Variants in CACNA1B observed in about 807,000 individuals in gnomAD.
The protein encoded by CACNA1B is voltage-dependent N-type calcium channel subunit alpha-1B.
Under a neutral mutation model 247.2 loss-of-function variants are expected in CACNA1B, and 70 were observed. That is an observed-to-expected ratio of 0.28 (90% CI 0.23 to 0.35). CACNA1B has a LOEUF of 0.35. Ranked by LOEUF, CACNA1B falls within the 10% of genes least tolerant of loss-of-function variation. The pLI is 1.00. For missense variants in CACNA1B, 2,367 were observed against 3,197.4 expected (o/e 0.74, Z 6.26); for synonymous variants, 1,231 against 1,294.4 (o/e 0.95, Z 1.05).
chr9:138,048,790 T>G (rs1202815864), intron 23 of CACNA1B, among the ~76,000 whole-genome samples: 1 of 152,162 alleles, frequency 6.6e-6, no homozygotes, highest in Non-Finnish European at 1.5e-5. Flanking sequence ...TGATCTCAGC[T>G]CACTGCAGTC....
In CACNA1B at chr9:138,053,864, G is replaced by T; in HGVS notation, c.3826G>T (p.Val1276Leu). ...CCTGCAGGCTGTGTTTGACTGTGTGGTGAACTCCCTGAAGAATGTCCTCAA... is the reference window on the plus strand; with the variant it reads ...CCTGCAGGCTGTGTTTGACTGTGTGTTGAACTCCCTGAAGAATGTCCTCAA... ...PKLKAVFDCV[V>L]NSLKNVLNIL... Residue 1276 changes from valine (V) to leucine (L), a missense_variant, in exon 26 of 47, where the codon GTG (valine) becomes TTG (leucine). Val to Leu is a conservative substitution (Grantham distance 32). Around this residue, in one of 12 missense-constraint regions of CACNA1B, gnomAD observed 436 missense variants for 679.5 expected, o/e 0.64. Coordinates refer to ENST00000371372, the MANE Select transcript of CACNA1B (RefSeq NM_000718.4). The T allele has an allele frequency of 6.2e-7, 1 of 1,613,434 alleles. No individual in the cohort carries two copies. The highest frequency in any genetic ancestry group is 2.2e-5 in the East Asian group (1 of 44,858).
In CACNA1B at chr9:137,891,344, C is replaced by T. The variant is rs991151578; in HGVS notation, c.530+8461C>T. 1 of 152,464 alleles carries T rather than the reference C, an allele frequency of 6.6e-6. No homozygotes were observed. Among genetic ancestry groups the T allele is most frequent in the Admixed American group, 6.5e-5 (1 of 15,296 alleles). 9.4% of individuals were successfully genotyped at this position (152,464 alleles called of 1,614,324 possible). On this transcript the variant is annotated intron_variant, in intron 3 of 46. Transcript: ENST00000371372. This position sits in a 1 kb window ranked among gnomAD's most constrained non-coding sequence, Gnocchi z 4.3. The stretch of plus-strand genomic sequence containing the variant: ...CCGGGCTGGCTGTAGAAGAGCCGCC[C>T]CTCCTGGGGGCTGGCCTGTTCGAAG...
chr9:137,927,547 T>C (rs1957565396), intron 6 of CACNA1B, among the ~76,000 whole-genome samples: 2 of 152,220 alleles, frequency 1.3e-5, no homozygotes, highest in African/African-American at 2.4e-5. Flanking sequence ...TTTGGCCATA[T>C]ATGCAAGAGT....
chr9:138,121,307 A>G lies in CACNA1B; in HGVS notation c.6490-162A>G, dbSNP rs1261478776. On this transcript the variant is annotated intron_variant, in intron 46 of 46. Transcript: ENST00000371372. This position sits in a 1 kb window ranked among gnomAD's most constrained non-coding sequence, Gnocchi z 6.8. ...CTGACCATCGCCCTCCCCCGCACAC[A>G]GGTGCCTGTTGCCTCCCTGGTCACC... 6.6e-6 allele frequency among the ~76,000 whole-genome samples: 1 copy of G among 151,642 alleles called. No homozygotes were observed. The highest frequency in any genetic ancestry group is 1.5e-5 in the Non-Finnish European group (1 of 67,942).
intron 22 of CACNA1B, 43 bp from the exon 23 acceptor site, chr9:138,047,356 A>T (rs1451801236): frequency 6.7e-7 from 1 of 1,500,646 alleles, no homozygotes; most frequent in Non-Finnish European, 9.3e-7. Flanking sequence ...CCTGGCTCAG[A>T]TTTCAGCCCA....
chr9:137,904,716 G>T (rs140554155), intron 3 of CACNA1B, among the ~76,000 whole-genome samples: 1 of 151,974 alleles, frequency 6.6e-6, no homozygotes, highest in Non-Finnish European at 1.5e-5. Flanking sequence ...CTAATGGTCT[G>T]CCAGGTGATG....
chr9:137,879,565 G>C (rs1247296283), intron 2 of CACNA1B, among the ~76,000 whole-genome samples: 1 of 152,264 alleles, frequency 6.6e-6, no homozygotes, highest in South Asian at 2.1e-4. Flanking sequence ...TGGCCTGGAT[G>C]TGGGAACCCT....
intron 6 of CACNA1B, among the ~76,000 whole-genome samples, chr9:137,922,056 G>T (rs547467627): frequency 1.4e-5 from 2 of 142,528 alleles, no homozygotes; most frequent in South Asian, 2.3e-4. Context: ...CACCACGACC[G>T]CACAGCATCC....
Position 138,087,542 on chromosome 9 carries a change from C to A in CACNA1B, c.5095-8942C>A, listed in dbSNP as rs1336457929. ...CCATCCTGGCCAACATGGTGAAACC[C>A]CGTCTCTACTAAAAATACAAAAATT... On this transcript the variant is annotated intron_variant, in intron 36 of 46. Transcript: ENST00000371372. Among the ~76,000 whole-genome samples, 3 of 142,710 alleles carry A rather than the reference C, an allele frequency of 2.1e-5. 1 individual carries two copies. Among genetic ancestry groups the A allele is most frequent in the African/African-American group, 5.5e-5 (2 of 36,380 alleles). The allele number at this position is 142,710 out of a possible 152,430, so 93.6% of individuals were successfully genotyped here. A position where few individuals can be genotyped will look rare whatever the true frequency, so the allele number is the denominator to read the frequency against.
intron 6 of CACNA1B, among the ~76,000 whole-genome samples, chr9:137,936,394 G>A (rs924914574): frequency 9.9e-5 from 15 of 152,220 alleles, no homozygotes; most frequent in Non-Finnish European, 2.1e-4. Flanking sequence ...CCCTTTGTCT[G>A]ATGGGTAGAT....
chr9:138,099,215 T>C (rs868100264), intron 37 of CACNA1B, among the ~76,000 whole-genome samples: 2 of 152,390 alleles, frequency 1.3e-5, no homozygotes, highest in Middle Eastern at 3.4e-3. Context: ...TGTGCATGTG[T>C]ACATGTGTGT....
At position 138,047,845 on chromosome 9, in the gene CACNA1B, G is replaced by A. The variant is rs1014836493; in HGVS notation, c.3603+387G>A. On this transcript the variant is annotated intron_variant, in intron 23 of 46. Coordinates refer to ENST00000371372, the MANE Select transcript of CACNA1B (RefSeq NM_000718.4). ...GGAGGAGACCTGGGAGAGAGAGGGT[G>A]TTAGAAGATTGTTGGAAGTGGGTGC... Among the ~76,000 whole-genome samples, 47 of 152,206 alleles carry A rather than the reference G, an allele frequency of 3.1e-4. 2 individuals are homozygous for A. Among genetic ancestry groups the A allele is most frequent in the African/African-American group, 1.0e-3 (42 of 41,458 alleles).
chr9:138,055,978 A>G (rs2133499177), intron 26 of CACNA1B, among the ~76,000 whole-genome samples: 1 of 152,070 alleles, frequency 6.6e-6, no homozygotes, highest in Non-Finnish European at 1.5e-5. Context: ...GTGAGCCAAG[A>G]TTGTGCCACT....
chr9:138,061,652 A>G (rs1959728982), intron 31 of CACNA1B, among the ~76,000 whole-genome samples: 3 of 152,154 alleles, frequency 2.0e-5, no homozygotes, highest in South Asian at 2.1e-4. Flanking sequence ...CTGATGTTAT[A>G]TGGAATCCTG....
chr9:138,121,377 C>G lies in CACNA1B; in HGVS notation c.6490-92C>G, dbSNP rs564695827. 10 of 1,020,280 alleles carry G rather than the reference C, an allele frequency of 9.8e-6. 1 individual carries two copies. In the South Asian group the frequency reaches 1.6e-4, roughly 16 times the overall value. 63.2% of individuals were successfully genotyped at this position (1,020,280 alleles called of 1,614,324 possible). A position where few individuals can be genotyped will look rare whatever the true frequency, so the allele number is the denominator to read the frequency against. ...TGCCTCCCTCTCTCCTCCCATCCCC[C>G]CAGGCACCTGTGTGTGATGTGCTCT... On this transcript the variant is annotated intron_variant, in intron 46 of 46. Coordinates refer to ENST00000371372, the MANE Select transcript of CACNA1B (RefSeq NM_000718.4). This position sits in a 1 kb window ranked among gnomAD's most constrained non-coding sequence, Gnocchi z 6.8.
intron 6 of CACNA1B, among the ~76,000 whole-genome samples, chr9:137,948,773 ATGTGGTATGTG>A (rs1480809595): frequency 1.5e-5 from 2 of 133,184 alleles, no homozygotes; most frequent in African/African-American, 2.9e-5. Context: ...TATCTGGTGC[ATGTGGTATGTG>A]TGTGGTGTGT....
intron 3 of CACNA1B, among the ~76,000 whole-genome samples, chr9:137,910,210 A>C (rs1957344989): frequency 1.3e-5 from 2 of 152,224 alleles, no homozygotes; most frequent in Non-Finnish European, 2.9e-5. Flanking sequence ...ATGTTCATTC[A>C]AGTCCGTTGC....
chr9:137,969,239 G>A (rs1046192601), intron 10 of CACNA1B, among the ~76,000 whole-genome samples: 2 of 152,234 alleles, frequency 1.3e-5, no homozygotes, highest in Admixed American at 6.5e-5. Flanking sequence ...CCCTGGCTCT[G>A]GCGCCTCTGG....
Position 137,971,435 on chromosome 9 carries a change from A to T in CACNA1B, c.1386A>T (p.Ser462=), listed in dbSNP as rs770221648. 1 of 1,613,660 alleles carries T rather than the reference A, an allele frequency of 6.2e-7. No individual in the cohort carries two copies. The highest frequency in any genetic ancestry group is 8.5e-7 in the Non-Finnish European group (1 of 1,179,750). ...SLKSGKTESS[S]YFRRKEKMFR... ...AGAGCGGGAAGACAGAGAGCTCGTC[A>T]TACTTCCGGAGGAAGGAGAAGATGT... The change falls in exon 11 of 47, where the codon TCA becomes TCT. Residue 462 remains serine, a synonymous_variant. Coordinates refer to ENST00000371372, the MANE Select transcript of CACNA1B (RefSeq NM_000718.4). This position sits in a 1 kb window ranked among gnomAD's most constrained non-coding sequence, Gnocchi z 4.4.
Sources: allele counts gnomAD v4.1 joint callset (sites outside exome capture counted in the v4.1 genomes callset), GRCh38; gene constraint gnomAD v4.1.1; regional missense constraint gnomAD v4.1.1; non-coding constraint Gnocchi (gnomAD v3.1); transcripts MANE v1.5; gene names NCBI Gene and HGNC (gene_info 2026-07-23, HGNC 2026-07-21).